FHIT: variants seen among roughly 807,000 people sequenced by gnomAD.
FHIT encodes the protein bis(5'-adenosyl)-triphosphatase.
A neutral mutation model predicts 17.9 loss-of-function variants in FHIT; 19 were observed. That is an observed-to-expected ratio of 1.06 (90% CI 0.74 to 1.56). The LOEUF is 1.56. Among genes scored for constraint, FHIT ranks in the 40% most tolerant of loss-of-function variants. FHIT has a pLI of 0.00. For missense variants in FHIT, 248 were observed against 189.2 expected, an observed-to-expected ratio of 1.31 and a Z score of -1.82; for synonymous variants, 81 against 69.7, an observed-to-expected ratio of 1.16 and a Z score of -0.81.
intron 4 of FHIT, among the ~76,000 whole-genome samples, chr3:60,756,339 A>G (rs922738898): frequency 5.9e-5 from 9 of 152,154 alleles, no homozygotes; most frequent in Non-Finnish European, 1.2e-4. Flanking sequence ...GTCCCTTAGA[A>G]GCTCGAAGTA....
At chr3:59,870,199 C>T (rs1265514973) in intron 8 of FHIT, among the ~76,000 whole-genome samples, 1 of 152,164 alleles carries the variant, frequency 6.6e-6, no homozygotes, top group Non-Finnish European at 1.5e-5. Context: ...GCATCAGGCA[C>T]CGAGTCTCTC....
intron 1 of FHIT, among the ~76,000 whole-genome samples, chr3:61,207,030 A>T (rs374640899): frequency 6.6e-6 from 1 of 152,054 alleles, no homozygotes; most frequent in Non-Finnish European, 1.5e-5. Context: ...TAGCATGAAG[A>T]GTTGTTGAAT....
chr3:61,080,848 G>A (rs990469296), intron 2 of FHIT, among the ~76,000 whole-genome samples: 1 of 152,018 alleles, frequency 6.6e-6, no homozygotes, highest in African/African-American at 2.4e-5. Context: ...AAAAAACAAT[G>A]AGAAAGTTCA....
At chr3:60,226,740 A>G (rs777197070) in intron 5 of FHIT, among the ~76,000 whole-genome samples, 2 of 152,098 alleles carry the variant, frequency 1.3e-5, no homozygotes, top group Non-Finnish European at 2.9e-5. Context: ...GTGTCTAGGG[A>G]TAAGAATGAG....
intron 3 of FHIT, among the ~76,000 whole-genome samples, chr3:60,943,920 T>C (rs1708526603): frequency 6.6e-6 from 1 of 152,200 alleles, no homozygotes; most frequent in Admixed American, 6.5e-5. Context: ...ACTTGTCATC[T>C]ACCTCCAATG....
At chr3:60,207,451 A>AT (rs1269280556) in intron 5 of FHIT, among the ~76,000 whole-genome samples, 4 of 151,678 alleles carry the variant, frequency 2.6e-5, no homozygotes, top group Admixed American at 2.6e-4. Context: ...CTATATCTGT[A>AT]TTTTTTTTCC....
chr3:61,028,384 A>G (rs1250904985), intron 3 of FHIT, among the ~76,000 whole-genome samples: 1 of 152,192 alleles, frequency 6.6e-6, no homozygotes, highest in Non-Finnish European at 1.5e-5. Flanking sequence ...ACTGATAGAT[A>G]CAACGTGCTA....
At chr3:61,003,251 T>C (rs1019891106) in intron 3 of FHIT, among the ~76,000 whole-genome samples, 3 of 152,202 alleles carry the variant, frequency 2.0e-5, no homozygotes, top group Non-Finnish European at 4.4e-5. Flanking sequence ...GATAGCCATT[T>C]GCAATCTGCA....
chr3:60,139,572 C>G (rs1168970750), intron 5 of FHIT, among the ~76,000 whole-genome samples: 1 of 152,124 alleles, frequency 6.6e-6, no homozygotes, highest in East Asian at 1.9e-4. Context: ...ACTCATTGAT[C>G]ACACAGAATT....
chr3:60,547,111 A>C (rs368041034), intron 4 of FHIT, among the ~76,000 whole-genome samples: 8 of 152,234 alleles, frequency 5.3e-5, no homozygotes, highest in African/African-American at 1.4e-4. Context: ...ATAAATATTA[A>C]ATACTTTCCT....
intron 5 of FHIT, among the ~76,000 whole-genome samples, chr3:60,374,000 T>C (rs1700442624): frequency 6.6e-6 from 1 of 152,212 alleles, no homozygotes; most frequent in African/African-American, 2.4e-5. Flanking sequence ...GTTATTGCAA[T>C]TACTACATGT....
chr3:61,064,178 C>A (rs13074044), intron 2 of FHIT, among the ~76,000 whole-genome samples: 83,163 of 151,644 alleles, frequency 0.55, 23,895 homozygotes, highest in Non-Finnish European at 0.65. Flanking sequence ...AAAGAGAAAT[C>A]GAAAGATATC....
intron 4 of FHIT, among the ~76,000 whole-genome samples, chr3:60,590,696 G>C (rs782098748): frequency 2.0e-5 from 3 of 152,068 alleles, no homozygotes; most frequent in Non-Finnish European, 4.4e-5. Context: ...AGTCCATCTA[G>C]AAAAATACAT....
At chr3:60,085,729 T>C (rs1272699712) in intron 5 of FHIT, among the ~76,000 whole-genome samples, 2 of 152,114 alleles carry the variant, frequency 1.3e-5, no homozygotes, top group Non-Finnish European at 2.9e-5. Context: ...CAGGCCAAAA[T>C]GGTTTATATA....
At chr3:60,273,983 A>T (rs1473181411) in intron 5 of FHIT, among the ~76,000 whole-genome samples, 2 of 152,238 alleles carry the variant, frequency 1.3e-5, no homozygotes, top group Admixed American at 6.5e-5. Context: ...TAACGAAGAC[A>T]ATTGAAAGAA....
intron 5 of FHIT, among the ~76,000 whole-genome samples, chr3:60,160,055 C>T (rs1264389550): frequency 1.3e-5 from 2 of 151,952 alleles, no homozygotes; most frequent in African/African-American, 4.8e-5. Context: ...GGAAATCTTT[C>T]GGGGCAAATT....
intron 4 of FHIT, among the ~76,000 whole-genome samples, chr3:60,606,302 G>T (rs2682972): frequency 1.3e-5 from 2 of 150,716 alleles, no homozygotes; most frequent in Non-Finnish European, 3.0e-5. Flanking sequence ...GTGCAGTGAC[G>T]CAATCTTAGC....
chr3:60,922,568 T>C (rs1188811212), intron 3 of FHIT, among the ~76,000 whole-genome samples: 1 of 152,208 alleles, frequency 6.6e-6, no homozygotes, highest in Non-Finnish European at 1.5e-5. Flanking sequence ...TTGAAGTTAG[T>C]GATTTCTTTA....
chr3:60,225,385 A>G (rs536633781), intron 5 of FHIT, among the ~76,000 whole-genome samples: 1 of 152,316 alleles, frequency 6.6e-6, no homozygotes, highest in African/African-American at 2.4e-5. Flanking sequence ...TCAATGATAC[A>G]CCAAGTGCTG....
Sources: allele counts gnomAD v4.1 joint callset (sites outside exome capture counted in the v4.1 genomes callset), GRCh38; gene constraint gnomAD v4.1.1; transcripts MANE v1.5; gene names NCBI Gene and HGNC (gene_info 2026-07-23, HGNC 2026-07-21).